The following ACTN2 variants were observed in gnomAD, a reference collection of about 807,000 sequenced individuals.
ACTN2 encodes alpha-actinin-2.
In ACTN2, 39 loss-of-function variants were observed where a neutral mutation model predicts 113.8. The ratio of observed to expected loss-of-function variants is 0.34; its 90% CI spans 0.27 to 0.45. The LOEUF (loss-of-function observed/expected upper bound fraction) is 0.45. Ranked by LOEUF, ACTN2 falls within the 20% of genes least tolerant of loss-of-function variation. The probability of loss-of-function intolerance (pLI) is 1.00; values close to 1 mark genes in which losing one functional copy is unlikely to be tolerated. For missense variants in ACTN2, 992 were observed against 1,177.9 expected (o/e 0.84, Z 2.31); for synonymous variants, 429 against 444.1 (o/e 0.97, Z 0.43).
chr1:236,703,864 G>A (rs1379714769), intron 1 of ACTN2, among the ~76,000 whole-genome samples: 1 of 151,986 alleles, frequency 6.6e-6, no homozygotes, highest in Non-Finnish European at 1.5e-5. Flanking sequence ...ATCAGAATTA[G>A]GAGACTGAGT....
intron 1 of ACTN2, among the ~76,000 whole-genome samples, chr1:236,703,289 C>T (rs1030758703): frequency 6.6e-6 from 1 of 152,130 alleles, no homozygotes; most frequent in Non-Finnish European, 1.5e-5. Context: ...GAATTCTCCA[C>T]GTAGTTTGTG....
intron 3 of ACTN2, among the ~76,000 whole-genome samples, chr1:236,719,382 A>G (rs1295799436): frequency 6.6e-6 from 1 of 152,216 alleles, no homozygotes; most frequent in Non-Finnish European, 1.5e-5. Flanking sequence ...GGGAGCTGAG[A>G]TTTCCACCCA....
Position 236,744,785 on chromosome 1 carries a change from A to G in ACTN2, c.1406+9A>G. 1 of 1,614,050 alleles carries G rather than the reference A, an allele frequency of 6.2e-7. No individual in the cohort carries two copies. Among genetic ancestry groups the G allele is most frequent in the Non-Finnish European group, 8.5e-7 (1 of 1,179,988 alleles). On this transcript the variant is annotated intron_variant, in intron 12 of 20. Coordinates refer to ENST00000366578, the MANE Select transcript of ACTN2 (RefSeq NM_001103.4). ...ATCGCGCAGGAGCTCAAGTATGTGC[A>G]GATGCCCTCCGTCCTCCCGGGAGCC... is the stretch of plus-strand genomic sequence containing the variant.
chr1:236,749,180 G>A lies in ACTN2; in HGVS notation c.1572G>A (p.Arg524=), dbSNP rs1572141375. The change falls in exon 14 of 21, where the codon AGG becomes AGA. Residue 524 remains arginine, a synonymous_variant. Transcript: ENST00000366578. ...IDQLHLEFAK[R]AAPFNNWMEG... ...AGCTTCACCTGGAGTTTGCCAAGAGGGCTGCTCCTTTCAACAATTGGATGG... is the reference window on the plus strand; with the variant it reads ...AGCTTCACCTGGAGTTTGCCAAGAGAGCTGCTCCTTTCAACAATTGGATGG... 1 of 1,614,124 alleles carries A rather than the reference G, an allele frequency of 6.2e-7. No individual in the cohort carries two copies. The highest frequency in any genetic ancestry group is 8.5e-7 in the Non-Finnish European group (1 of 1,180,020).
Position 236,739,346 on chromosome 1 carries a change from G to T in ACTN2, c.921G>T (p.Arg307=). ...IRRTIPWLEN[R]TPEKTMQAMQ... ...GCACGATCCCCTGGCTGGAGAACCGGACTCCCGAGAAGACCATGCAAGCCA... is the reference window on the plus strand; with the variant it reads ...GCACGATCCCCTGGCTGGAGAACCGTACTCCCGAGAAGACCATGCAAGCCA... Residue 307 remains arginine (R), a synonymous_variant, in exon 10 of 21, where the codon CGG becomes CGT. Transcript: ENST00000366578. 1 of 1,614,104 alleles carries T rather than the reference G, an allele frequency of 6.2e-7. No homozygotes were observed. The highest frequency in any genetic ancestry group is 8.5e-7 in the Non-Finnish European group (1 of 1,180,030).
At chr1:236,732,536 G>A (rs925215709) in intron 7 of ACTN2, among the ~76,000 whole-genome samples, 12 of 151,638 alleles carry the variant, frequency 7.9e-5, no homozygotes, top group Admixed American at 4.6e-4. Context: ...TCTGTCTCCC[G>A]GGTTCAAGAG....
At chr1:236,696,473 T>A (rs953363783) in intron 1 of ACTN2, among the ~76,000 whole-genome samples, 11 of 152,166 alleles carry the variant, frequency 7.2e-5, no homozygotes, top group Non-Finnish European at 1.3e-4. Context: ...GTTATTTTGT[T>A]ATAGTCAAAC....
At position 236,763,416 on chromosome 1, in the gene ACTN2, T is replaced by C. The variant is rs1369381529; in HGVS notation, c.*797T>C. 2.0e-5 allele frequency: 3 copies of C among 152,710 alleles called. No individual in the cohort carries two copies. Among genetic ancestry groups the C allele is most frequent in the Non-Finnish European group, 2.9e-5 (2 of 68,460 alleles). 9.5% of individuals were successfully genotyped at this position (152,710 alleles called of 1,614,324 possible). On this transcript the variant is annotated 3_prime_UTR_variant, in exon 21 of 21. Coordinates refer to ENST00000366578, the MANE Select transcript of ACTN2 (RefSeq NM_001103.4). The stretch of plus-strand genomic sequence containing the variant: ...ATTGATTCCAGGTTCCCATGCTTTT[T>C]GTTAGAGCTTATTAGTACAGGTTCT...
At chr1:236,688,436 C>A (rs1665952017) in intron 1 of ACTN2, among the ~76,000 whole-genome samples, 1 of 151,614 alleles carries the variant, frequency 6.6e-6, no homozygotes, top group Admixed American at 6.6e-5. Context: ...TTCCAGAGGC[C>A]ACATTGACAT....
intron 1 of ACTN2, among the ~76,000 whole-genome samples, chr1:236,690,458 C>A (rs1666041239): frequency 6.6e-6 from 1 of 152,198 alleles, no homozygotes; most frequent in African/African-American, 2.4e-5. Context: ...CGAAGCTCTG[C>A]CTGGTACCCG....
chr1:236,742,666 C>T lies in ACTN2; in HGVS notation c.1108-230C>T, dbSNP rs150572226. 4.3e-3 allele frequency among the ~76,000 whole-genome samples: 649 copies of T among 152,182 alleles called. 4 individuals carry two copies. The highest frequency in any genetic ancestry group is 0.01 in the Middle Eastern group (3 of 292). On this transcript the variant is annotated intron_variant, in intron 10 of 20. Transcript: ENST00000366578. ...TCCACATCTGGAGAAGTGTCAGGAT[C>T]GCTGATAACAACTATGTTAGTCTTA...
chr1:236,723,264 C>A lies in ACTN2; in HGVS notation c.449-2669C>A, dbSNP rs576413033. On this transcript the variant is annotated intron_variant, in intron 4 of 20. Coordinates refer to ENST00000366578, the MANE Select transcript of ACTN2 (RefSeq NM_001103.4). ...CAACTGGCTGTGGAGTTCCAGATTT[C>A]AATGTCCATATCAATTCACATTTTA... 3.3e-5 allele frequency among the ~76,000 whole-genome samples: 5 copies of A among 152,318 alleles called. No homozygotes were observed. In the East Asian group the frequency reaches 9.6e-4, roughly 29 times the overall value.
chr1:236,720,035 T>A, intron 3 of ACTN2, 70 bp from the exon 4 acceptor site: 1 of 1,056,752 alleles, frequency 9.5e-7, no homozygotes, highest in Middle Eastern at 2.1e-4. Flanking sequence ...AGTCAACATT[T>A]ATATATAGGA....
chr1:236,749,972 G>GT (rs1027665490), intron 14 of ACTN2, among the ~76,000 whole-genome samples: 5 of 152,308 alleles, frequency 3.3e-5, no homozygotes, highest in Non-Finnish European at 5.9e-5. Context: ...GATCTACAGA[G>GT]TTTTTTGCCA....
intron 9 of ACTN2, among the ~76,000 whole-genome samples, chr1:236,737,911 T>C (rs1360555409): frequency 6.6e-6 from 1 of 152,238 alleles, no homozygotes; most frequent in Admixed American, 6.5e-5. Context: ...ATGGGCTGCA[T>C]GAGGCCCCCA....
intron 8 of ACTN2, 105 bp downstream of exon 8, chr1:236,735,825 A>G: frequency 9.4e-7 from 1 of 1,064,036 alleles, no homozygotes; most frequent in Non-Finnish European, 1.4e-6. Flanking sequence ...TTACCTTGGA[A>G]TCTTTCTGAG....
At chr1:236,738,155 G>T (rs951711176) in intron 9 of ACTN2, among the ~76,000 whole-genome samples, 1 of 152,148 alleles carries the variant, frequency 6.6e-6, no homozygotes, top group East Asian at 1.9e-4. Flanking sequence ...GATTACAGGC[G>T]TGCACCACCA....
At chr1:236,758,800 T>C (rs1659624071) in intron 18 of ACTN2, among the ~76,000 whole-genome samples, 1 of 152,030 alleles carries the variant, frequency 6.6e-6, no homozygotes, top group Non-Finnish European at 1.5e-5. Context: ...TTTGTATTTT[T>C]ACTAGAAACA....
At chr1:236,718,760 A>T (rs1285332933) in intron 2 of ACTN2, 134 bp from the exon 3 acceptor site, 2 of 1,251,546 alleles carry the variant, frequency 1.6e-6, no homozygotes, top group African/African-American at 3.0e-5. Flanking sequence ...ATTTAGAGAG[A>T]CCAGGCACAC....
Sources: allele counts gnomAD v4.1 joint callset (sites outside exome capture counted in the v4.1 genomes callset), GRCh38; gene constraint gnomAD v4.1.1; transcripts MANE v1.5; gene names NCBI Gene and HGNC (gene_info 2026-07-23, HGNC 2026-07-21).